PLOD2: variants seen among roughly 807,000 people sequenced by gnomAD.
PLOD2 encodes the protein procollagen-lysine,2-oxoglutarate 5-dioxygenase 2, also known as lysine hydroxylase 2.
PLOD2 carries 65 observed loss-of-function variants against 101.0 expected under a neutral mutation model. That is an observed-to-expected ratio of 0.64 (90% confidence interval 0.53 to 0.79). The LOEUF is 0.79. Among genes scored for constraint, PLOD2 ranks in the 30% least tolerant of loss-of-function variants. The pLI, the probability that PLOD2 is intolerant of heterozygous loss-of-function variation, is 0.00. For missense variants in PLOD2, 909 were observed against 914.6 expected (o/e 0.99, Z 0.08); for synonymous variants, 314 against 302.9 (o/e 1.04, Z -0.38).
At chr3:146,143,173 C>A (rs2031610077) in intron 1 of PLOD2, among the ~76,000 whole-genome samples, 1 of 151,858 alleles carries the variant, frequency 6.6e-6, no homozygotes, top group African/African-American at 2.4e-5. Flanking sequence ...TAGCATTCTG[C>A]TGAATAAACA....
Position 146,124,178 on chromosome 3 carries a change from C to T in PLOD2, c.161G>A (p.Arg54Gln), listed in dbSNP as rs148641011. ...GAAATATTTGGCTGACTGCATAAATCGATGGAATCCATCACTTTCTTTTGT... is the reference window on the plus strand; with the variant it reads ...GAAATATTTGGCTGACTGCATAAATTGATGGAATCCATCACTTTCTTTTGT... ...VATKESDGFH[R>Q]FMQSAKYFNY... Residue 54 changes from arginine to glutamine, a missense_variant, in exon 2 of 20, where the codon CGA becomes CAA. Physicochemically the swap from Arg to Gln is conservative, Grantham distance 43. Transcript: ENST00000282903. 1.9e-5 allele frequency: 31 copies of T among 1,596,390 alleles called. No individual in the cohort carries two copies. Among genetic ancestry groups the T allele is most frequent in the South Asian group, 5.5e-5 (5 of 90,724 alleles).
chr3:146,134,686 T>A (rs368334328), intron 1 of PLOD2, among the ~76,000 whole-genome samples: 132 of 152,294 alleles, frequency 8.7e-4, no homozygotes, highest in African/African-American at 3.0e-3. Flanking sequence ...GAAAAGGGGA[T>A]CAATAGTAAA....
chr3:146,075,471 G>C (rs1242059307), intron 15 of PLOD2, among the ~76,000 whole-genome samples: 1 of 100,224 alleles, frequency 1.0e-5, no homozygotes, highest in Non-Finnish European at 1.9e-5. Context: ...GCTAATTACT[G>C]TACCACTCAA....
chr3:146,107,527 T>C (rs1576599543), intron 4 of PLOD2, among the ~76,000 whole-genome samples: 1 of 151,486 alleles, frequency 6.6e-6, no homozygotes, highest in East Asian at 1.9e-4. Context: ...AAAAAATAGG[T>C]CCAGGGAAAT....
intron 13 of PLOD2, among the ~76,000 whole-genome samples, chr3:146,078,839 A>G (rs888357051): frequency 1.3e-5 from 2 of 151,944 alleles, no homozygotes; most frequent in African/African-American, 4.8e-5. Context: ...AAAAGAGCAA[A>G]GCTGATTTGT....
At chr3:146,095,631 T>C (rs1180045728) in intron 7 of PLOD2, among the ~76,000 whole-genome samples, 2 of 152,078 alleles carry the variant, frequency 1.3e-5, no homozygotes, top group African/African-American at 2.4e-5. Context: ...ATTTCAACCA[T>C]TGTGGAAGAG....
intron 15 of PLOD2, among the ~76,000 whole-genome samples, chr3:146,074,052 A>G (rs1421011096): frequency 6.6e-6 from 1 of 151,536 alleles, no homozygotes; most frequent in Non-Finnish European, 1.5e-5. Flanking sequence ...ATATTAAAAA[A>G]TGGTTTCTCT....
chr3:146,094,733 A>C (rs995725788), intron 7 of PLOD2, among the ~76,000 whole-genome samples: 1 of 152,228 alleles, frequency 6.6e-6, no homozygotes, highest in East Asian at 1.9e-4. Context: ...TAAATTTCAT[A>C]TGGAACCAAA....
At chr3:146,114,138 A>T (rs1467027363) in intron 3 of PLOD2, among the ~76,000 whole-genome samples, 1 of 152,120 alleles carries the variant, frequency 6.6e-6, no homozygotes, top group Non-Finnish European at 1.5e-5. Flanking sequence ...TCTCCTGATA[A>T]GACGTTATCA....
rs1937466056 is a variant in PLOD2, at chr3:146,103,591, T to C, written c.679+688A>G. Among the ~76,000 whole-genome samples the C allele has an allele frequency of 5.9e-5, 9 of 152,142 alleles. No individual in the cohort carries two copies. In the South Asian group the frequency reaches 1.9e-3, roughly 32 times the overall value. On this transcript the variant is annotated intron_variant, in intron 6 of 19. Transcript: ENST00000282903. ...CCTCAGCCTCTCATATAGCTGGGAC[T>C]ATAGGCACGCACCACCATGCCTGAC...
Position 146,085,216 on chromosome 3 carries a change from A to G in PLOD2, c.1185T>C (p.Val395=). ...CDYYFSVDAD[V]VLTNPRTLKI... ...TTAAAGTCCTTGGATTTGTCAAAAC[A>G]ACATCTGCATCCACACTAAAGTAAT... is the stretch of plus-strand genomic sequence containing the variant. The change falls in exon 11 of 20, where the codon GTT becomes GTC. Residue 395 remains valine, a synonymous_variant. Transcript: ENST00000282903. 1 of 1,608,268 alleles carries G rather than the reference A, an allele frequency of 6.2e-7. No homozygotes were observed. Among genetic ancestry groups the G allele is most frequent in the Non-Finnish European group, 8.5e-7 (1 of 1,175,020 alleles).
intron 2 of PLOD2, 140 bp downstream of exon 2, chr3:146,123,998 C>A (rs1355011425): frequency 1.6e-6 from 1 of 634,036 alleles, no homozygotes; most frequent in Non-Finnish European, 2.8e-6. Flanking sequence ...ATTAATAAAG[C>A]CAAAAACTAC....
intron 17 of PLOD2, 137 bp from the exon 18 acceptor site, chr3:146,071,560 T>A: frequency 2.5e-6 from 2 of 799,506 alleles, no homozygotes; most frequent in Non-Finnish European, 4.2e-6. Context: ...TCATCTGCTT[T>A]AACTGTAAAA....
Position 146,086,865 on chromosome 3 carries a change from G to T in PLOD2, c.1049C>A (p.Ala350Asp). ...EKDIKVFFDK[A>D]KHEIKTIKIV... Reference sequence around the variant, plus strand: ...TTTTATAGTTTTGATTTCATGCTTAGCTTTATCAAAAAATACCTTGATGTC... The same window carrying T: ...TTTTATAGTTTTGATTTCATGCTTATCTTTATCAAAAAATACCTTGATGTC... Residue 350 changes from alanine (A) to aspartate (D), a missense_variant, in exon 10 of 20, where the codon GCT becomes GAT. By Grantham distance (126) the Ala-to-Asp change is moderately radical (BLOSUM62 -2). Coordinates refer to ENST00000282903, the MANE Select transcript of PLOD2 (RefSeq NM_182943.3). 6.5e-7 allele frequency: 1 copy of T among 1,533,270 alleles called. No individual in the cohort carries two copies. The highest frequency in any genetic ancestry group is 8.9e-7 in the Non-Finnish European group (1 of 1,120,244). 95.0% of individuals were successfully genotyped at this position (1,533,270 alleles called of 1,614,324 possible).
At position 146,081,621 on chromosome 3, in the gene PLOD2, A is replaced by G. The variant is rs1326703275; in HGVS notation, c.1358+117T>C. Reference sequence around the variant, plus strand: ...ATTCCAAGTGGTCTTGGGTTCTCAAATTCCCATTAACTATAAAGAAAAGAG... The same window carrying G: ...ATTCCAAGTGGTCTTGGGTTCTCAAGTTCCCATTAACTATAAAGAAAAGAG... On this transcript the variant is annotated intron_variant, in intron 12 of 19. Transcript: ENST00000282903. 3 of 768,886 alleles carry G rather than the reference A, an allele frequency of 3.9e-6. No homozygotes were observed. The African/African-American group carries it at 5.3e-5, about 13-fold the overall frequency. The allele number at this position is 768,886 out of a possible 1,614,324, so 47.6% of individuals were successfully genotyped here. A position where few individuals can be genotyped will look rare whatever the true frequency, so the allele number is the denominator to read the frequency against.
intron 3 of PLOD2, among the ~76,000 whole-genome samples, chr3:146,115,628 A>G (rs1576606285): frequency 6.6e-6 from 1 of 152,184 alleles, no homozygotes; most frequent in African/African-American, 2.4e-5. Flanking sequence ...TTAAAACCCT[A>G]GAGACCTCTA....
chr3:146,113,086 G>C (rs1937722266), intron 3 of PLOD2, among the ~76,000 whole-genome samples: 1 of 152,040 alleles, frequency 6.6e-6, no homozygotes, highest in Non-Finnish European at 1.5e-5. Context: ...AAACAGTATA[G>C]CTCAAACTAT....
intron 7 of PLOD2, among the ~76,000 whole-genome samples, chr3:146,093,302 A>G (rs1407776161): frequency 6.6e-6 from 1 of 152,216 alleles, no homozygotes; most frequent in African/African-American, 2.4e-5. Context: ...CTACAGCAAA[A>G]TTAGAAGACA....
chr3:146,116,032 A>T (rs1937889876), intron 3 of PLOD2, among the ~76,000 whole-genome samples: 1 of 152,224 alleles, frequency 6.6e-6, no homozygotes, highest in African/African-American at 2.4e-5. Flanking sequence ...CTTGTCATTT[A>T]GCCCCAATCC....
Sources: allele counts gnomAD v4.1 joint callset (sites outside exome capture counted in the v4.1 genomes callset), GRCh38; gene constraint gnomAD v4.1.1; transcripts MANE v1.5; gene names NCBI Gene and HGNC (gene_info 2026-07-23, HGNC 2026-07-21).